Variants in NCAM1 observed in about 807,000 individuals in gnomAD.
NCAM1 encodes the protein antigen recognized by monoclonal antibody 5.1H11.
NCAM1 carries 14 observed loss-of-function variants against 109.8 expected under a neutral mutation model. That is an observed-to-expected ratio of 0.13 (90% CI 0.08 to 0.20). The LOEUF (loss-of-function observed/expected upper bound fraction) is 0.20. NCAM1 is among the 10% of genes least tolerant of loss of function. NCAM1 has a pLI of 1.00. For missense variants in NCAM1, 774 were observed against 1,109.9 expected (o/e 0.70, Z 4.30); for synonymous variants, 418 against 442.9 (o/e 0.94, Z 0.70).
chr11:113,213,917 C>T (rs782615556), intron 7 of NCAM1, among the ~76,000 whole-genome samples: 6 of 152,260 alleles, frequency 3.9e-5, no homozygotes, highest in Non-Finnish European at 7.3e-5. Context: ...CCAGCCTCAC[C>T]TTCCTGTGCC....
At chr11:113,109,950 A>G (rs539777113) in intron 1 of NCAM1, among the ~76,000 whole-genome samples, 4 of 152,350 alleles carry the variant, frequency 2.6e-5, no homozygotes, top group Admixed American at 6.5e-5. Context: ...ATACATATAT[A>G]CATACATATA....
chr11:113,275,459 CACAG>C lies in NCAM1; in HGVS notation c.*76_*79del, dbSNP rs1946383886. The C allele has an allele frequency of 3.3e-6, 5 of 1,532,714 alleles. No individual in the cohort carries two copies. The highest frequency in any genetic ancestry group is 2.4e-5 in the East Asian group (1 of 41,576). 94.9% of individuals were successfully genotyped at this position (1,532,714 alleles called of 1,614,324 possible). Reference sequence around the variant, plus strand: ...AGCTTCACCAGAGCATTTCCAACACCACAGACACACACACGCACGCACACACACA... The same window carrying C: ...AGCTTCACCAGAGCATTTCCAACACCACACACACACGCACGCACACACACA... On this transcript the variant is annotated 3_prime_UTR_variant, in exon 20 of 20. Transcript: ENST00000316851.
intron 1 of NCAM1, among the ~76,000 whole-genome samples, chr11:113,056,018 TATATATAA>T (rs1206093684): frequency 4.3e-5 from 5 of 115,374 alleles, no homozygotes; most frequent in South Asian, 2.6e-4. Context: ...TATATATATA[TATATATAA>T]AATATATATA....
chr11:112,995,967 A>G (rs1452231367), intron 1 of NCAM1, among the ~76,000 whole-genome samples: 2 of 152,170 alleles, frequency 1.3e-5, no homozygotes, highest in Non-Finnish European at 2.9e-5. Context: ...GAACATAAGA[A>G]TCAAGCTCTT....
chr11:113,125,548 A>G (rs1732546569), intron 1 of NCAM1, among the ~76,000 whole-genome samples: 2 of 152,170 alleles, frequency 1.3e-5, no homozygotes. Flanking sequence ...TTTACACGCT[A>G]TTGGCTTTCA....
intron 1 of NCAM1, among the ~76,000 whole-genome samples, chr11:113,114,774 A>G (rs1940618981): frequency 6.6e-6 from 1 of 152,208 alleles, no homozygotes; most frequent in African/African-American, 2.4e-5. Context: ...GCTAGTCAAC[A>G]ACAGGTATTC....
intron 9 of NCAM1, among the ~76,000 whole-genome samples, chr11:113,227,141 A>C (rs1399936817): frequency 6.6e-6 from 1 of 152,062 alleles, no homozygotes; most frequent in African/African-American, 2.4e-5. Flanking sequence ...TGAATCCAGG[A>C]GCTGGTTTTT....
chr11:113,130,782 C>G (rs1284000931), intron 1 of NCAM1: 1 of 152,174 alleles, frequency 6.6e-6, no homozygotes, highest in Non-Finnish European at 1.5e-5. Flanking sequence ...TGCATTTATA[C>G]CTCCCCATCA....
At chr11:113,114,048 G>A (rs764506210) in intron 1 of NCAM1, among the ~76,000 whole-genome samples, 6 of 152,156 alleles carry the variant, frequency 3.9e-5, no homozygotes, top group Non-Finnish European at 7.3e-5. Flanking sequence ...TCCCTTTTTA[G>A]GCTTAAGTTT....
chr11:113,080,525 A>G (rs144431202), intron 1 of NCAM1, among the ~76,000 whole-genome samples: 1 of 151,220 alleles, frequency 6.6e-6, no homozygotes. Flanking sequence ...TGGTATTCAC[A>G]TGCAGCCTTG....
intron 1 of NCAM1, among the ~76,000 whole-genome samples, chr11:113,063,142 C>T (rs1273127781): frequency 6.6e-6 from 1 of 152,180 alleles, no homozygotes; most frequent in Non-Finnish European, 1.5e-5. Context: ...CTGGGTTTTA[C>T]TCTGAAGGTA....
chr11:112,974,033 G>A (rs1555067257), intron 1 of NCAM1, among the ~76,000 whole-genome samples: 1 of 152,024 alleles, frequency 6.6e-6, no homozygotes, highest in East Asian at 1.9e-4. Context: ...TAATGGTTGA[G>A]CCATAAAATT....
In NCAM1 at chr11:113,059,701, G is replaced by A. The variant is rs1170277275; in HGVS notation, c.52+98037G>A. Among the ~76,000 whole-genome samples, 7 of 152,220 alleles carry A rather than the reference G, an allele frequency of 4.6e-5. No homozygotes were observed. In the South Asian group the frequency reaches 1.2e-3, roughly 27 times the overall value. ...CGCATCACTTCAGCCATATTCCATC[G>A]GTCCAGGCAGTCACAGGGCCCGCCT... is the stretch of plus-strand genomic sequence containing the variant. On this transcript the variant is annotated intron_variant, in intron 1 of 19. Transcript: ENST00000316851.
intron 1 of NCAM1, among the ~76,000 whole-genome samples, chr11:113,094,248 T>G (rs1939492312): frequency 6.6e-6 from 1 of 152,186 alleles, no homozygotes; most frequent in African/African-American, 2.4e-5. Flanking sequence ...AAAGGTTGAA[T>G]TGATTTGGAT....
chr11:113,138,408 G>A (rs1331006165), intron 1 of NCAM1, among the ~76,000 whole-genome samples: 1 of 152,224 alleles, frequency 6.6e-6, no homozygotes, highest in Non-Finnish European at 1.5e-5. Flanking sequence ...CAGGCCTGGG[G>A]AGCCACAGTG....
intron 1 of NCAM1, among the ~76,000 whole-genome samples, chr11:113,025,219 T>C (rs1337886891): frequency 1.3e-5 from 2 of 152,188 alleles, no homozygotes; most frequent in Non-Finnish European, 2.9e-5. Flanking sequence ...AAAGTATACA[T>C]AGAATTATAC....
chr11:113,002,386 T>C (rs1356158807), intron 1 of NCAM1, among the ~76,000 whole-genome samples: 5 of 152,236 alleles, frequency 3.3e-5, no homozygotes, highest in African/African-American at 1.2e-4. Context: ...TTGAATCTTA[T>C]CAATGTTAGA....
intron 1 of NCAM1, among the ~76,000 whole-genome samples, chr11:113,101,533 T>C (rs1013140452): frequency 2.6e-5 from 4 of 152,176 alleles, no homozygotes; most frequent in African/African-American, 9.6e-5. Context: ...TGTCACACTT[T>C]CTCCTGTTTT....
At chr11:113,144,015 A>G (rs1555100930) in intron 1 of NCAM1, among the ~76,000 whole-genome samples, 1 of 152,186 alleles carries the variant, frequency 6.6e-6, no homozygotes, top group African/African-American at 2.4e-5. Flanking sequence ...TGATTGTGAT[A>G]AGTGGGATCA....
Sources: gnomAD v4.1 joint callset for allele counts (sites outside exome capture counted in the v4.1 genomes callset) on GRCh38, gnomAD v4.1.1 for gene constraint, MANE v1.5 for transcripts, NCBI Gene and HGNC (gene_info 2026-07-23, HGNC 2026-07-21) for gene names.